Variants in MDFIC observed in about 807,000 individuals in gnomAD.
MDFIC encodes myoD family inhibitor domain-containing protein.
In MDFIC, 17 loss-of-function variants were observed where a neutral mutation model predicts 23.2. That is an observed-to-expected ratio of 0.73 (90% CI 0.50 to 1.10). The LOEUF (loss-of-function observed/expected upper bound fraction) is 1.10, where lower values mean the gene tolerates loss of function less well. Among genes scored for constraint, MDFIC ranks in the 50% least tolerant of loss-of-function variants. The pLI is 0.00. For synonymous variants in MDFIC, 120 were observed against 115.2 expected (o/e 1.04, Z -0.27); for missense variants, 356 against 316.6 (o/e 1.12, Z -0.95).
In MDFIC at chr7:114,962,446, C is replaced by A. The variant is rs114286421; in HGVS notation, c.218-17060C>A. On this transcript the variant is annotated intron_variant, in intron 3 of 4. Transcript: ENST00000393486. Reference sequence around the variant, plus strand: ...TTCCCAGATATATAGACATTTAATTCACTGTCAAGTTGCCCATTTTGTTCT... The same window carrying A: ...TTCCCAGATATATAGACATTTAATTAACTGTCAAGTTGCCCATTTTGTTCT... Among the ~76,000 whole-genome samples, 1,476 of 152,214 alleles carry A rather than the reference C, an allele frequency of 9.7e-3. 20 individuals carry two copies. The highest frequency in any genetic ancestry group is 0.033 in the African/African-American group (1,390 of 41,546).
At chr7:114,945,598 T>C (rs901247339) in intron 3 of MDFIC, among the ~76,000 whole-genome samples, 2 of 152,122 alleles carry the variant, frequency 1.3e-5, no homozygotes, top group Non-Finnish European at 2.9e-5. Context: ...ATGGAAGTAA[T>C]AAATAAAAAG....
chr7:114,972,705 T>C (rs1461428466), intron 3 of MDFIC, among the ~76,000 whole-genome samples: 1 of 152,228 alleles, frequency 6.6e-6, no homozygotes, highest in Non-Finnish European at 1.5e-5. Flanking sequence ...CATGGTTCAC[T>C]ATAACCTTGC....
intron 2 of MDFIC, among the ~76,000 whole-genome samples, chr7:114,938,147 G>C (rs1332316805): frequency 6.6e-6 from 1 of 151,812 alleles, no homozygotes; most frequent in African/African-American, 2.4e-5. Context: ...CTAGAGATGG[G>C]GTTTTACCAT....
At chr7:114,952,670 T>C (rs575589575) in intron 3 of MDFIC, among the ~76,000 whole-genome samples, 2 of 152,208 alleles carry the variant, frequency 1.3e-5, no homozygotes, top group East Asian at 3.9e-4. Flanking sequence ...TTTTCCATGG[T>C]TCATGAGAAC....
intron 4 of MDFIC, chr7:114,980,036 C>A: frequency 8.2e-6 from 4 of 486,244 alleles, no homozygotes; most frequent in South Asian, 6.4e-5. Flanking sequence ...TGCTATACTT[C>A]TTTTTTTAAT....
rs1035406945 is a variant in MDFIC at position 115,017,055 on chromosome 7, C to T, written c.*1120C>T. 1.3e-5 allele frequency: 2 copies of T among 152,170 alleles called. No homozygotes were observed. The highest frequency in any genetic ancestry group is 4.8e-5 in the African/African-American group (2 of 41,444). The allele number at this position is 152,170 out of a possible 1,614,324, so 9.4% of individuals were successfully genotyped here. On this transcript the variant is annotated 3_prime_UTR_variant, in exon 5 of 5. Transcript: ENST00000393486. ...GGACTCTCTTAGAATGAGTGATTCA[C>T]CTGCTATTTAAATGAATTATTTAGA...
At chr7:114,924,941 A>T (rs564342026) in intron 2 of MDFIC, among the ~76,000 whole-genome samples, 52 of 152,108 alleles carry the variant, frequency 3.4e-4, no homozygotes, top group Non-Finnish European at 5.9e-4. Context: ...CTCGAAGGCC[A>T]CTCTACTCTT....
chr7:114,922,951 C>A lies in MDFIC; in HGVS notation c.-83C>A, dbSNP rs1792115402. The A allele has an allele frequency of 1.1e-5, 17 of 1,587,182 alleles. No homozygotes were observed. The highest frequency in any genetic ancestry group is 1.5e-5 in the Non-Finnish European group (17 of 1,167,438). On this transcript the variant is annotated 5_prime_UTR_variant, in exon 2 of 5. Coordinates refer to ENST00000393486, the MANE Select transcript of MDFIC (RefSeq NM_001166345.3). Reference sequence around the variant, plus strand: ...GAAGCAGTCAGTTCCCTGCACCCAGCACCTCACAGCCCTTCCTCCGTGCGC... The same window carrying A: ...GAAGCAGTCAGTTCCCTGCACCCAGAACCTCACAGCCCTTCCTCCGTGCGC...
chr7:114,994,999 T>G (rs965444327), intron 4 of MDFIC, among the ~76,000 whole-genome samples: 1 of 152,192 alleles, frequency 6.6e-6, no homozygotes, highest in Non-Finnish European at 1.5e-5. Context: ...CAGACGTAGA[T>G]TTGGTCTTTT....
In MDFIC at chr7:114,922,910, G is replaced by A. The variant is rs1160000046; in HGVS notation, c.-107-17G>A. Reference sequence around the variant, plus strand: ...TAAAAACATTTTTTTTTTTAATTTTGTATATTTTTCCGCCAGAAGCAGTCA... The same window carrying A: ...TAAAAACATTTTTTTTTTTAATTTTATATATTTTTCCGCCAGAAGCAGTCA... On this transcript the variant is annotated splice_polypyrimidine_tract_variant and intron_variant, in intron 1 of 4. Transcript: ENST00000393486. 1.9e-6 allele frequency: 3 copies of A among 1,572,894 alleles called. No homozygotes were observed. The highest frequency in any genetic ancestry group is 2.6e-6 in the Non-Finnish European group (3 of 1,160,750).
rs1320036576 is a variant in MDFIC, at chr7:114,967,835, T to C, written c.218-11671T>C. Among the ~76,000 whole-genome samples the C allele has an allele frequency of 3.2e-3, 484 of 150,414 alleles. 1 individual carries two copies. Among genetic ancestry groups the C allele is most frequent in the African/African-American group, 0.011 (464 of 41,276 alleles). ...TTTCTTTTTTTCTTTCTTTTCTTTT[T>C]TTTTTTTTTTTTAATTTTGATGGAG... is the stretch of plus-strand genomic sequence containing the variant. On this transcript the variant is annotated intron_variant, in intron 3 of 4. Coordinates refer to ENST00000393486, the MANE Select transcript of MDFIC (RefSeq NM_001166345.3).
At chr7:114,985,707 T>C (rs1435828929) in intron 4 of MDFIC, among the ~76,000 whole-genome samples, 1 of 151,856 alleles carries the variant, frequency 6.6e-6, no homozygotes, top group East Asian at 1.9e-4. Context: ...AATTCATATG[T>C]TTTATTCAGA....
intron 4 of MDFIC, among the ~76,000 whole-genome samples, chr7:114,995,023 A>G (rs942248615): frequency 6.6e-6 from 1 of 152,072 alleles, no homozygotes; most frequent in Non-Finnish European, 1.5e-5. Context: ...ATAGCCCCAT[A>G]TTTCTTGGAG....
At chr7:114,970,840 G>T (rs983867521) in intron 3 of MDFIC, among the ~76,000 whole-genome samples, 1 of 152,150 alleles carries the variant, frequency 6.6e-6, no homozygotes, top group Non-Finnish European at 1.5e-5. Context: ...GGCTACCAAG[G>T]CTGTTCCTTA....
intron 4 of MDFIC, among the ~76,000 whole-genome samples, chr7:115,000,985 C>T (rs1049363476): frequency 6.6e-6 from 1 of 152,118 alleles, no homozygotes; most frequent in African/African-American, 2.4e-5. Flanking sequence ...GCCTCAGGCC[C>T]CCTTCCAAGC....
At chr7:114,984,014 G>A (rs1793465196) in intron 4 of MDFIC, among the ~76,000 whole-genome samples, 1 of 152,022 alleles carries the variant, frequency 6.6e-6, no homozygotes, top group African/African-American at 2.4e-5. Flanking sequence ...GCAACCAAAG[G>A]CAACAGGTGC....
chr7:114,922,690 G>T, intron 1 of MDFIC, 54 bp downstream of exon 1: 2 of 1,346,716 alleles, frequency 1.5e-6, no homozygotes, highest in Non-Finnish European at 1.9e-6. Context: ...CCATCCCCGG[G>T]GTTCTCCCAA....
intron 3 of MDFIC, among the ~76,000 whole-genome samples, chr7:114,969,214 T>C (rs1031862789): frequency 3.9e-5 from 6 of 152,240 alleles, no homozygotes; most frequent in African/African-American, 1.4e-4. Flanking sequence ...CCTCATATTA[T>C]GCTTTTACAG....
intron 4 of MDFIC, among the ~76,000 whole-genome samples, chr7:114,999,376 AATTG>A (rs1473503907): frequency 6.6e-6 from 1 of 151,942 alleles, no homozygotes; most frequent in Non-Finnish European, 1.5e-5. Context: ...ATGGTATTTG[AATTG>A]ATTATTATTC....
Sources: allele counts gnomAD v4.1 joint callset (sites outside exome capture counted in the v4.1 genomes callset), GRCh38; gene constraint gnomAD v4.1.1; transcripts MANE v1.5; gene names NCBI Gene and HGNC (gene_info 2026-07-23, HGNC 2026-07-21).